The following PPP1R1C variants were observed in gnomAD, a reference collection of about 807,000 sequenced individuals.
The protein encoded by PPP1R1C is protein phosphatase 1 regulatory inhibitor subunit 1C, also known as protein phosphatase 1 regulatory subunit 1C.
A neutral mutation model predicts 17.4 loss-of-function variants in PPP1R1C; 15 were observed. That is an observed-to-expected ratio of 0.86 (90% CI 0.58 to 1.33). PPP1R1C has a LOEUF of 1.33. Ranked by LOEUF, PPP1R1C falls within the 40% of genes most tolerant of loss-of-function variation. The pLI, the probability that PPP1R1C is intolerant of heterozygous loss-of-function variation, is 0.00. For missense variants in PPP1R1C, 143 were observed against 130.0 expected, an observed-to-expected ratio of 1.10 and a Z score of -0.48; for synonymous variants, 35 against 43.1, an observed-to-expected ratio of 0.81 and a Z score of 0.73.
In PPP1R1C at chr2:181,986,197, TGAAATTGCATGGA is replaced by T; in HGVS notation, c.81+10_81+22del. 6.2e-7 allele frequency: 1 copy of T among 1,601,038 alleles called. No homozygotes were observed. ...CACCTGAAGCAGCAGAGCAGGTATG[TGAAATTGCATGGA>T]GAACCATTCCTGTACATAAGGTAAT... is the stretch of plus-strand genomic sequence containing the variant. On this transcript the variant is annotated splice_region_variant and intron_variant, in intron 1 of 4. Transcript: ENST00000682840.
rs1684796330 is a variant in PPP1R1C at position 181,961,641 on chromosome 2, T to C, written n.111+7007T>C. 8.0e-6 allele frequency: 6 copies of C among 747,848 alleles called. No individual in the cohort carries two copies. The highest frequency in any genetic ancestry group is 1.5e-5 in the Non-Finnish European group (6 of 412,148). 46.3% of individuals were successfully genotyped at this position (747,848 alleles called of 1,614,324 possible). A position where few individuals can be genotyped will look rare whatever the true frequency, so the allele number is the denominator to read the frequency against. On this transcript the variant is annotated intron_variant and non_coding_transcript_variant, in intron 1 of 5. Coordinates refer to the PPP1R1C transcript ENST00000464264. This position sits in a 1 kb window ranked among gnomAD's most constrained non-coding sequence, Gnocchi z 5.8. Reference sequence around the variant, plus strand: ...CCTTGGTGGACTGCGTAGTGACCACTGTGGTGCTCTTCTCAATCTGCTGAG... The same window carrying C: ...CCTTGGTGGACTGCGTAGTGACCACCGTGGTGCTCTTCTCAATCTGCTGAG...
At chr2:182,002,014 T>C (rs1685781124) in intron 2 of PPP1R1C, among the ~76,000 whole-genome samples, 1 of 152,182 alleles carries the variant, frequency 6.6e-6, no homozygotes, top group Non-Finnish European at 1.5e-5. Flanking sequence ...TTATGTTCCA[T>C]GTATTTCTGT....
chr2:181,968,811 G>A (rs1018369096), intron 1 of PPP1R1C, among the ~76,000 whole-genome samples: 3 of 151,502 alleles, frequency 2.0e-5, no homozygotes, highest in African/African-American at 7.3e-5. Flanking sequence ...GATTTTCTCT[G>A]GTTTTAAATT....
Position 182,061,496 on chromosome 2 carries a change from A to T in PPP1R1C, c.180+17A>T. On this transcript the variant is annotated intron_variant, in intron 3 of 4. Transcript: ENST00000682840. Reference sequence around the variant, plus strand: ...CAAGGGGAAGTAAGTTTTTAAAAATATTTTGTATAAATGTGTTCAAATCAA... The same window carrying T: ...CAAGGGGAAGTAAGTTTTTAAAAATTTTTTGTATAAATGTGTTCAAATCAA... 1.2e-5 allele frequency: 18 copies of T among 1,447,536 alleles called. No individual in the cohort carries two copies. Among genetic ancestry groups the T allele is most frequent in the Non-Finnish European group, 1.5e-5 (17 of 1,097,716 alleles). 89.7% of individuals were successfully genotyped at this position (1,447,536 alleles called of 1,614,324 possible).
chr2:181,987,201 C>A (rs1685323956), intron 1 of PPP1R1C, among the ~76,000 whole-genome samples: 1 of 150,920 alleles, frequency 6.6e-6, no homozygotes, highest in Non-Finnish European at 1.5e-5. Context: ...ATATAATAAA[C>A]AAATAAAGGA....
At chr2:182,109,624 C>T (rs992306466) in intron 4 of PPP1R1C, among the ~76,000 whole-genome samples, 1 of 152,182 alleles carries the variant, frequency 6.6e-6, no homozygotes, top group Non-Finnish European at 1.5e-5. Context: ...ATTGTATTCC[C>T]TTTTCTCCTT....
chr2:182,029,176 T>G (rs1686727840), intron 2 of PPP1R1C, among the ~76,000 whole-genome samples: 1 of 148,222 alleles, frequency 6.7e-6, no homozygotes, highest in African/African-American at 2.5e-5. Context: ...AATTTGCCAG[T>G]CTGTGTCTTT....
At chr2:181,996,217 C>T (rs1418796542) in intron 2 of PPP1R1C, among the ~76,000 whole-genome samples, 1 of 152,156 alleles carries the variant, frequency 6.6e-6, no homozygotes, top group African/African-American at 2.4e-5. Context: ...GAAGATATAA[C>T]ACGTTGTCCT....
At chr2:181,987,718 T>C in intron 1 of PPP1R1C, 121 bp from the exon 2 acceptor site, 1 of 877,936 alleles carries the variant, frequency 1.1e-6, no homozygotes. Context: ...CCATGTGTCC[T>C]CCAGAAATTT....
intron 2 of PPP1R1C, among the ~76,000 whole-genome samples, chr2:181,988,958 T>C (rs1372028422): frequency 1.3e-5 from 2 of 152,178 alleles, no homozygotes; most frequent in African/African-American, 2.4e-5. Flanking sequence ...TTAAAATTAT[T>C]TTCAAATATA....
intron 4 of PPP1R1C, among the ~76,000 whole-genome samples, chr2:182,094,605 T>C (rs1177250922): frequency 6.6e-6 from 1 of 152,224 alleles, no homozygotes; most frequent in African/African-American, 2.4e-5. Context: ...GTCAGCCATA[T>C]GTTCAGGAGG....
At chr2:182,056,536 C>G (rs1687689445) in intron 2 of PPP1R1C, among the ~76,000 whole-genome samples, 1 of 152,104 alleles carries the variant, frequency 6.6e-6, no homozygotes, top group African/African-American at 2.4e-5. Flanking sequence ...CCTCACATTT[C>G]CAAAATAGGT....
At chr2:181,963,530 T>A (rs945583513) in intron 1 of PPP1R1C, among the ~76,000 whole-genome samples, 4 of 152,072 alleles carry the variant, frequency 2.6e-5, no homozygotes, top group African/African-American at 9.7e-5. Flanking sequence ...TCCCAGCTAC[T>A]CAGGAGGCTG....
intron 2 of PPP1R1C, among the ~76,000 whole-genome samples, chr2:182,044,977 C>A (rs1687299587): frequency 6.6e-6 from 1 of 152,174 alleles, no homozygotes; most frequent in Non-Finnish European, 1.5e-5. Context: ...TTCTGTCTCT[C>A]TATCTATAGA....
At chr2:182,031,704 A>G (rs1686845694) in intron 2 of PPP1R1C, among the ~76,000 whole-genome samples, 1 of 152,210 alleles carries the variant, frequency 6.6e-6, no homozygotes, top group Non-Finnish European at 1.5e-5. Context: ...CTTTGACCAC[A>G]CACATTGTTT....
chr2:181,986,575 A>G (rs1248894394), intron 1 of PPP1R1C, among the ~76,000 whole-genome samples: 1 of 152,244 alleles, frequency 6.6e-6, no homozygotes, highest in African/African-American at 2.4e-5. Flanking sequence ...TGATTGATTT[A>G]GCAATAAAAT....
intron 4 of PPP1R1C, among the ~76,000 whole-genome samples, chr2:182,083,596 T>A (rs1574438078): frequency 6.6e-6 from 1 of 152,220 alleles, no homozygotes; most frequent in Admixed American, 6.5e-5. Context: ...ATATTTTTTT[T>A]CTTTTTTAAT....
chr2:182,002,747 T>C (rs1377396934), intron 2 of PPP1R1C, among the ~76,000 whole-genome samples: 2 of 152,128 alleles, frequency 1.3e-5, no homozygotes, highest in Non-Finnish European at 2.9e-5. Flanking sequence ...ATTTACATGC[T>C]TTAAAATCTC....
At chr2:182,071,210 A>G (rs906183004) in intron 4 of PPP1R1C, among the ~76,000 whole-genome samples, 15 of 152,124 alleles carry the variant, frequency 9.9e-5, no homozygotes, top group African/African-American at 2.7e-4. Flanking sequence ...AGCATACCAC[A>G]TTATGTGTGG....
Sources: gnomAD v4.1 joint callset for allele counts (sites outside exome capture counted in the v4.1 genomes callset) on GRCh38, gnomAD v4.1.1 for gene constraint, Gnocchi (gnomAD v3.1) non-coding constraint, MANE v1.5 for transcripts, NCBI Gene and HGNC (gene_info 2026-07-23, HGNC 2026-07-21) for gene names.